Variants in PAK1 observed in about 807,000 individuals in gnomAD.
PAK1 encodes serine/threonine-protein kinase PAK 1.
PAK1 carries 29 observed loss-of-function variants against 67.4 expected under a neutral mutation model. The ratio of observed to expected loss-of-function variants is 0.43; its 90% CI spans 0.32 to 0.59. The LOEUF (loss-of-function observed/expected upper bound fraction) is 0.59. Ranked by LOEUF, PAK1 falls within the 20% of genes least tolerant of loss-of-function variation. The pLI, the probability that PAK1 is intolerant of heterozygous loss-of-function variation, is 0.07. For synonymous variants in PAK1, 223 were observed against 237.4 expected, an observed-to-expected ratio of 0.94 and a Z score of 0.56; for missense variants, 337 against 670.7, an observed-to-expected ratio of 0.50 and a Z score of 5.50.
At chr11:77,385,155 G>A (rs902863757) in intron 2 of PAK1, among the ~76,000 whole-genome samples, 1 of 152,142 alleles carries the variant, frequency 6.6e-6, no homozygotes, top group Admixed American at 6.5e-5. Context: ...TTAAAAACAG[G>A]AGAAGGGTAT....
chr11:77,389,803 G>A (rs1156874593), intron 2 of PAK1, among the ~76,000 whole-genome samples: 2 of 152,128 alleles, frequency 1.3e-5, no homozygotes, highest in Middle Eastern at 3.2e-3. Flanking sequence ...CTTTCTGTGT[G>A]TTACCTTTTT....
chr11:77,371,944 T>G (rs1301138849), intron 5 of PAK1, among the ~76,000 whole-genome samples: 1 of 152,210 alleles, frequency 6.6e-6, no homozygotes, highest in Non-Finnish European at 1.5e-5. Flanking sequence ...AATGACATCT[T>G]TTTTTGTTCC....
intron 1 of PAK1, among the ~76,000 whole-genome samples, chr11:77,416,335 C>T (rs901213416): frequency 2.6e-5 from 4 of 152,156 alleles, no homozygotes; most frequent in African/African-American, 9.7e-5. Context: ...TAAACACACA[C>T]TTTAGTCTAG....
chr11:77,523,126 T>C, the PAK1 span, among the ~76,000 whole-genome samples: 1 of 152,238 alleles, frequency 6.6e-6, no homozygotes, highest in Admixed American at 6.5e-5. Context: ...GGTACTATGC[T>C]CACTACCTGG....
chr11:77,323,627 G>T (rs972228578), intron 14 of PAK1, among the ~76,000 whole-genome samples: 6 of 152,032 alleles, frequency 3.9e-5, no homozygotes, highest in Admixed American at 6.6e-5. Flanking sequence ...GCCACCAAAA[G>T]ACATACACAG....
At chr11:77,416,087 T>C (rs940462919) in intron 1 of PAK1, among the ~76,000 whole-genome samples, 3 of 151,972 alleles carry the variant, frequency 2.0e-5, no homozygotes, top group Admixed American at 6.6e-5. Context: ...CAAGCAATTC[T>C]TGTGCCTCAG....
chr11:77,512,728 C>T, the PAK1 span, among the ~76,000 whole-genome samples: 2 of 152,162 alleles, frequency 1.3e-5, no homozygotes, highest in African/African-American at 4.8e-5. Context: ...GGCTTAGATG[C>T]TTTTCACTAT....
At chr11:77,435,657 CT>C (rs35603502) in intron 1 of PAK1, among the ~76,000 whole-genome samples, 2,993 of 68,480 alleles carry the variant, frequency 0.044, 25 homozygotes, top group East Asian at 0.17. Context: ...CTACACCTGG[CT>C]TTTTTTTTTT....
At chr11:77,339,151 A>C (rs1236921482) in intron 11 of PAK1, among the ~76,000 whole-genome samples, 1 of 152,190 alleles carries the variant, frequency 6.6e-6, no homozygotes, top group Admixed American at 6.6e-5. Context: ...TCTATTATAC[A>C]ACATTAACAT....
intron 1 of PAK1, among the ~76,000 whole-genome samples, chr11:77,432,004 T>G (rs539522557): frequency 2.0e-5 from 3 of 152,006 alleles, no homozygotes; most frequent in East Asian, 1.9e-4. Context: ...CCTGTGTGGG[T>G]TTTTTTTGTC....
intron 1 of PAK1, among the ~76,000 whole-genome samples, chr11:77,406,172 C>T (rs765047987): frequency 6.6e-6 from 1 of 152,152 alleles, no homozygotes; most frequent in Non-Finnish European, 1.5e-5. Context: ...TTCCTCCATT[C>T]TCATGGCTTT....
intron 1 of PAK1, among the ~76,000 whole-genome samples, chr11:77,422,920 C>A (rs1407468834): frequency 6.6e-6 from 1 of 152,066 alleles, no homozygotes; most frequent in African/African-American, 2.4e-5. Context: ...CAGTGGCTGG[C>A]AGAGTGGCAG....
intron 1 of PAK1, among the ~76,000 whole-genome samples, chr11:77,454,209 C>T (rs1956984358): frequency 6.6e-6 from 1 of 152,156 alleles, no homozygotes; most frequent in Non-Finnish European, 1.5e-5. Context: ...TCTCAACACC[C>T]CAGTGGTTAT....
At chr11:77,339,823 G>T (rs1284249449) in intron 11 of PAK1, among the ~76,000 whole-genome samples, 1 of 149,338 alleles carries the variant, frequency 6.7e-6, no homozygotes, top group Non-Finnish European at 1.5e-5. Context: ...TTGTGGTTTT[G>T]GTATTTTTTT....
At chr11:77,333,190 TC>T (rs1942015539) in intron 13 of PAK1, among the ~76,000 whole-genome samples, 1 of 150,482 alleles carries the variant, frequency 6.6e-6, no homozygotes, top group African/African-American at 2.5e-5. Context: ...TTATTCTTCT[TC>T]TTCTTTTTTT....
At chr11:77,523,698 A>T in the PAK1 span, among the ~76,000 whole-genome samples, 1 of 152,214 alleles carries the variant, frequency 6.6e-6, no homozygotes, top group African/African-American at 2.4e-5. Context: ...GATTACAGGC[A>T]TAAGCCACCA....
At chr11:77,456,330 A>G (rs1957075975) in intron 1 of PAK1, among the ~76,000 whole-genome samples, 1 of 152,204 alleles carries the variant, frequency 6.6e-6, no homozygotes, top group African/African-American at 2.4e-5. Flanking sequence ...GTGCATATTC[A>G]TATAAACAAC....
At chr11:77,439,228 C>A (rs576071409) in intron 1 of PAK1, among the ~76,000 whole-genome samples, 1 of 152,056 alleles carries the variant, frequency 6.6e-6, no homozygotes, top group African/African-American at 2.4e-5. Flanking sequence ...AAACTAGAAG[C>A]CCTATAGAGG....
chr11:77,341,283 A>AT (rs1419383242), intron 10 of PAK1, among the ~76,000 whole-genome samples: 5 of 151,926 alleles, frequency 3.3e-5, no homozygotes, highest in Non-Finnish European at 7.4e-5. Flanking sequence ...AATATTTACT[A>AT]AATAAATCAC....
Sources: allele counts gnomAD v4.1 joint callset (sites outside exome capture counted in the v4.1 genomes callset), GRCh38; gene constraint gnomAD v4.1.1; transcripts MANE v1.5; gene names NCBI Gene and HGNC (gene_info 2026-07-23, HGNC 2026-07-21).